The following SMC4 variants were observed in gnomAD, a reference collection of about 807,000 sequenced individuals.
The protein encoded by SMC4 is structural maintenance of chromosomes 4.
A neutral mutation model predicts 145.6 loss-of-function variants in SMC4; 87 were observed. The observed-to-expected ratio is 0.60, with a 90% confidence interval of 0.50 to 0.71. SMC4 has a LOEUF of 0.71. Among genes scored for constraint, SMC4 ranks in the 30% least tolerant of loss-of-function variants. SMC4 has a pLI of 0.00. For missense variants in SMC4, 1,447 were observed against 1,537.1 expected, an observed-to-expected ratio of 0.94 and a Z score of 0.98; for synonymous variants, 558 against 500.7, an observed-to-expected ratio of 1.11 and a Z score of -1.53.
Position 160,431,150 on chromosome 3 carries a change from A to G in SMC4, c.3059A>G (p.Gln1020Arg). 6.2e-7 allele frequency: 1 copy of G among 1,604,452 alleles called. No individual in the cohort carries two copies. The highest frequency in any genetic ancestry group is 1.1e-5 in the South Asian group (1 of 88,426). ...CTTAGTATTAAGTTGAAACTTGAAC[A>G]AATAGATGGTCACATTGCTGAACAT... is the stretch of plus-strand genomic sequence containing the variant. Reference protein sequence around the residue: ...DALSIKLKLEQIDGHIAEHNS... With the variant: ...DALSIKLKLERIDGHIAEHNS... The change falls in exon 20 of 24, where the codon CAA becomes CGA. Residue 1020 changes from glutamine to arginine, a missense_variant. Gln to Arg is a conservative substitution (Grantham distance 43). Coordinates refer to ENST00000357388, the MANE Select transcript of SMC4 (RefSeq NM_001002800.3).
At chr3:160,404,721 A>G (rs1168342307) in intron 5 of SMC4, 1 of 682,144 alleles carries the variant, frequency 1.5e-6, no homozygotes. Context: ...TGTTCGTTTT[A>G]TGTTTGGATG....
intron 9 of SMC4, 65 bp from the exon 10 acceptor site, chr3:160,416,186 T>C: frequency 8.5e-7 from 1 of 1,183,332 alleles, no homozygotes; most frequent in South Asian, 2.2e-5. Context: ...TTTAAATATG[T>C]CAAATATTGA....
chr3:160,432,273 CTT>C lies in SMC4; in HGVS notation c.3298-7_3298-6del, dbSNP rs772753730. ...CTGAATAGATTTTCCCTATCATAAT[CTT>C]TTCACAGGAAGAATTGTATTTGCAA... is the stretch of plus-strand genomic sequence containing the variant. On this transcript the variant is annotated splice_polypyrimidine_tract_variant and splice_region_variant and intron_variant, in intron 21 of 23. Transcript: ENST00000357388. The C allele has an allele frequency of 6.5e-7, 1 of 1,546,530 alleles. No homozygotes were observed. The highest frequency in any genetic ancestry group is 8.8e-7 in the Non-Finnish European group (1 of 1,131,450).
At chr3:160,420,068 C>G (rs868609311) in intron 12 of SMC4, among the ~76,000 whole-genome samples, 2 of 152,110 alleles carry the variant, frequency 1.3e-5, no homozygotes, top group East Asian at 1.9e-4. Context: ...TAGTGAGGAC[C>G]ATTACTGCTT....
rs1370455686 is a variant in SMC4 at position 160,402,065 on chromosome 3, G to A, written c.290G>A (p.Gly97Glu). ...IVNQNFKSYAGEKILGPFHKR... is the reference protein window; with the variant it reads ...IVNQNFKSYAEEKILGPFHKR... ...AACCAGAACTTCAAATCCTATGCTGGGGAGAAAATTCTGGGACCTTTCCAT... is the reference window on the plus strand; with the variant it reads ...AACCAGAACTTCAAATCCTATGCTGAGGAGAAAATTCTGGGACCTTTCCAT... Residue 97 changes from glycine to glutamate, a missense_variant, in exon 3 of 24, where the codon GGG (glycine) becomes GAG (glutamate). By Grantham distance (98) the Gly-to-Glu change is moderately conservative. Coordinates refer to ENST00000357388, the MANE Select transcript of SMC4 (RefSeq NM_001002800.3). 1.3e-6 allele frequency: 2 copies of A among 1,550,752 alleles called. No homozygotes were observed. Among genetic ancestry groups the A allele is most frequent in the Non-Finnish European group, 1.7e-6 (2 of 1,157,780 alleles).
intron 10 of SMC4, 35 bp downstream of exon 10, chr3:160,416,450 T>G: frequency 7.6e-7 from 1 of 1,315,852 alleles, no homozygotes; most frequent in Non-Finnish European, 1.0e-6. Flanking sequence ...TTTATTTTGG[T>G]GGCTTTTTTT....
At chr3:160,412,545 G>T in intron 7 of SMC4, 92 bp downstream of exon 7, 1 of 1,425,262 alleles carries the variant, frequency 7.0e-7, no homozygotes, top group Non-Finnish European at 9.2e-7. Flanking sequence ...CATGAAGACT[G>T]AAGTGAAAAA....
rs780679555 is a variant in SMC4, at chr3:160,430,790, C to T, written c.2940+47C>T. 4 of 1,563,978 alleles carry T rather than the reference C, an allele frequency of 2.6e-6. No homozygotes were observed. The South Asian group carries it at 4.9e-5, about 19-fold the overall frequency. On this transcript the variant is annotated intron_variant, in intron 19 of 23. Transcript: ENST00000357388. ...AGAGGAGATGGGATGATACTGGAAC[C>T]AATTTAAAGAGCTGGATATATGACA...
intron 17 of SMC4, 36 bp downstream of exon 17, chr3:160,426,236 A>C (rs1717780542): frequency 6.6e-7 from 1 of 1,519,224 alleles, no homozygotes; most frequent in African/African-American, 1.5e-5. Context: ...GGGGGGAAAA[A>C]AAAAACAGGT....
rs372084124 is a variant in SMC4 at position 160,426,182 on chromosome 3, G to A, written c.2587G>A (p.Val863Ile). ...AAAGCAGAAATTGCTAGAAGAAAACGTTAGTGCTTTCAAAACAGGTATGTT... is the reference window on the plus strand; with the variant it reads ...AAAGCAGAAATTGCTAGAAGAAAACATTAGTGCTTTCAAAACAGGTATGTT... ...KKKQKLLEEN[V>I]SAFKTEYDAV... The change falls in exon 17 of 24, where the codon GTT becomes ATT. Residue 863 changes from valine to isoleucine, a missense_variant. Val to Ile is a conservative substitution (Grantham distance 29). Transcript: ENST00000357388. 1.1e-5 allele frequency: 17 copies of A among 1,607,600 alleles called. No individual in the cohort carries two copies. Among genetic ancestry groups the A allele is most frequent in the South Asian group, 2.2e-5 (2 of 89,312 alleles).
At chr3:160,416,555 A>G (rs1716617169) in intron 10 of SMC4, 140 bp downstream of exon 10, 5 of 484,210 alleles carry the variant, frequency 1.0e-5, no homozygotes, top group Non-Finnish European at 1.4e-5. Context: ...TAGTCAACCT[A>G]GACTTAGATG....
chr3:160,400,750 T>C, intron 1 of SMC4, 72 bp from the exon 2 acceptor site: 2 of 1,404,052 alleles, frequency 1.4e-6, no homozygotes, highest in Non-Finnish European at 1.8e-6. Flanking sequence ...TGGACCGAGA[T>C]TTCCCCGGGT....
At chr3:160,402,119 A>T in intron 3 of SMC4, 26 bp downstream of exon 3, 2 of 1,414,998 alleles carry the variant, frequency 1.4e-6, no homozygotes, top group South Asian at 1.4e-5. Flanking sequence ...TAACTATTTT[A>T]TAACTTTTTA....
chr3:160,428,690 A>T, intron 17 of SMC4, 63 bp from the exon 18 acceptor site: 3 of 1,447,246 alleles, frequency 2.1e-6, no homozygotes, highest in Non-Finnish European at 2.8e-6. Context: ...AGAAATGTAC[A>T]TCTAACAAAT....
intron 12 of SMC4, among the ~76,000 whole-genome samples, chr3:160,419,803 T>G (rs1716978331): frequency 6.6e-6 from 1 of 152,182 alleles, no homozygotes; most frequent in East Asian, 1.9e-4. Context: ...TTTTATCCTT[T>G]TTTTTAAAAG....
At chr3:160,418,065 A>G (rs1560002150) in intron 11 of SMC4, 109 bp downstream of exon 11, 5 of 828,182 alleles carry the variant, frequency 6.0e-6, no homozygotes, top group African/African-American at 1.7e-5. Flanking sequence ...AATTTTCTTC[A>G]TTTTGTATAA....
Position 160,402,868 on chromosome 3 carries a change from G to T in SMC4, c.510+1G>T. 6.5e-7 allele frequency: 1 copy of T among 1,550,204 alleles called. No individual in the cohort carries two copies. The highest frequency in any genetic ancestry group is 8.7e-7 in the Non-Finnish European group (1 of 1,155,654). ...TCATTTTCAAAAGATAATTGATAAG[G>T]TAAGGGATTTTTACTGTTATTGGCA... On this transcript the variant is annotated splice_donor_variant, in intron 4 of 23. Transcript: ENST00000357388. LOFTEE classifies it high-confidence loss of function.
chr3:160,415,532 A>G (rs915982343), intron 9 of SMC4, among the ~76,000 whole-genome samples: 13 of 152,262 alleles, frequency 8.5e-5, no homozygotes, highest in African/African-American at 3.1e-4. Flanking sequence ...TTTACGCTAT[A>G]AGCATTTTCT....
In SMC4 at chr3:160,431,029, T is replaced by C; in HGVS notation, c.2941-3T>C. On this transcript the variant is annotated splice_region_variant and splice_polypyrimidine_tract_variant and intron_variant, in intron 19 of 23. Coordinates refer to ENST00000357388, the MANE Select transcript of SMC4 (RefSeq NM_001002800.3). ...CTATCTAGCAGTTCTTTTCGGTGTT[T>C]AGGAATCCTTACCAGAGATCCAGAA... The C allele has an allele frequency of 2.5e-6, 4 of 1,594,908 alleles. No homozygotes were observed. The highest frequency in any genetic ancestry group is 1.4e-5 in the African/African-American group (1 of 73,580).
Sources: allele counts gnomAD v4.1 joint callset (sites outside exome capture counted in the v4.1 genomes callset), GRCh38; gene constraint gnomAD v4.1.1; transcripts MANE v1.5; gene names NCBI Gene and HGNC (gene_info 2026-07-23, HGNC 2026-07-21).